Variants in FAAP100 observed in about 807,000 individuals in gnomAD.
FAAP100 encodes the protein FA core complex associated protein 100.
FAAP100 carries 46 observed loss-of-function variants against 65.8 expected under a neutral mutation model. The observed-to-expected ratio is 0.70, with a 90% confidence interval of 0.55 to 0.89. The LOEUF (loss-of-function observed/expected upper bound fraction) is 0.89, where lower values mean the gene tolerates loss of function less well. Ranked by LOEUF, FAAP100 falls within the 40% of genes least tolerant of loss-of-function variation. FAAP100 has a pLI of 0.00. For missense variants in FAAP100, 1,165 were observed against 1,196.7 expected, an observed-to-expected ratio of 0.97 and a Z score of 0.39; for synonymous variants, 663 against 555.1, an observed-to-expected ratio of 1.19 and a Z score of -2.73.
Position 81,540,927 on chromosome 17 carries a change from G to GGTCTGCACCTCCCGCAGCAGT in FAAP100, c.2517_2537dup (p.Leu841_Leu847dup). 1 of 1,590,330 alleles carries GGTCTGCACCTCCCGCAGCAGT rather than the reference G, an allele frequency of 6.3e-7. No individual in the cohort carries two copies. The highest frequency in any genetic ancestry group is 8.5e-7 in the Non-Finnish European group (1 of 1,172,176). ...CCTCCGTGCAGAGCCGGTCGCGCAG[G>GGTCTGCACCTCCCGCAGCAGT]GTCTGCACCTCCCGCAGCAGTGTCT... is the stretch of plus-strand genomic sequence containing the variant. On this transcript the variant is annotated inframe_insertion, in exon 9 of 9. Transcript: ENST00000327787.
intron 2 of FAAP100, 152 bp downstream of exon 2, chr17:81,551,776 G>A (rs2033504349): frequency 7.3e-7 from 1 of 1,377,048 alleles, no homozygotes; most frequent in African/African-American, 1.5e-5. Context: ...GCTGGGGGCA[G>A]GGGCTCCAGA....
At position 81,546,971 on chromosome 17, in the gene FAAP100, G is replaced by A. The variant is rs1364261986; in HGVS notation, c.2111C>T (p.Ser704Phe). The change falls in exon 5 of 9, where the codon TCT becomes TTT. Residue 704 changes from serine (S) to phenylalanine (F), a missense_variant. Transcript: ENST00000327787. ...CGCCGACACCTTGATGGAAGCCACA[G>A]ATGGGGGCAGGTACTCGGCCCGCAG... ...ASLRAEYLPPSVASIKVSAEL... is the reference protein window; with the variant it reads ...ASLRAEYLPPFVASIKVSAEL... The A allele has an allele frequency of 4.7e-6, 7 of 1,481,124 alleles. 1 individual carries two copies. The highest frequency in any genetic ancestry group is 4.5e-6 in the Non-Finnish European group (5 of 1,114,416). The allele number at this position is 1,481,124 out of a possible 1,614,324, so 91.7% of individuals were successfully genotyped here. A position where few individuals can be genotyped will look rare whatever the true frequency, so the allele number is the denominator to read the frequency against.
Position 81,547,521 on chromosome 17 carries a change from C to G in FAAP100, c.1561G>C (p.Asp521His). The G allele has an allele frequency of 2.5e-6, 4 of 1,613,546 alleles. No homozygotes were observed. Among genetic ancestry groups the G allele is most frequent in the Non-Finnish European group, 3.4e-6 (4 of 1,180,026 alleles). The change falls in exon 5 of 9, where the codon GAT becomes CAT. Residue 521 changes from aspartate to histidine, a missense_variant. By Grantham distance (81) the Asp-to-His change is moderately conservative. Transcript: ENST00000327787. The stretch of plus-strand genomic sequence containing the variant: ...AGCACGCAGGTGGCCATGAGCACAT[C>G]CTGTGTCTGCAGGCGGCTCCAGGTG... ...STTWSRLQTQ[D>H]VLMATCVLEN...
rs748442516 is a variant in FAAP100 at position 81,547,193 on chromosome 17, T to C, written c.1889A>G (p.Asp630Gly). 6.4e-7 allele frequency: 1 copy of C among 1,557,712 alleles called. No individual in the cohort carries two copies. Among genetic ancestry groups the C allele is most frequent in the Non-Finnish European group, 8.7e-7 (1 of 1,149,278 alleles). The stretch of plus-strand genomic sequence containing the variant: ...AACACCCTCTTGCTCGGGCAGGACG[T>C]CGGAGGGGCACTCATCCAGAAAGGG... ...EDPFLDECPS[D>G]VLPEQEGVCL... Residue 630 changes from aspartate to glycine, a missense_variant, in exon 5 of 9, where the codon GAC (aspartate) becomes GGC (glycine). Asp to Gly is a moderately conservative substitution (Grantham distance 94, BLOSUM62 -1). Transcript: ENST00000327787.
chr17:81,540,646 G>A lies in FAAP100; in HGVS notation c.*173C>T, dbSNP rs2033053633. ...GTTGCTCCCAATCAGAATCTGCTTT[G>A]TGCTCCACGGCCTCCAAGCACTTTC... On this transcript the variant is annotated 3_prime_UTR_variant, in exon 9 of 9. Coordinates refer to ENST00000327787, the MANE Select transcript of FAAP100 (RefSeq NM_025161.6). 1.7e-5 allele frequency: 15 copies of A among 886,576 alleles called. No homozygotes were observed. The highest frequency in any genetic ancestry group is 2.4e-5 in the Non-Finnish European group (15 of 634,636). 54.9% of individuals were successfully genotyped at this position (886,576 alleles called of 1,614,324 possible).
At chr17:81,545,287 G>GA (rs2033257814) in intron 6 of FAAP100, among the ~76,000 whole-genome samples, 2 of 152,258 alleles carry the variant, frequency 1.3e-5, no homozygotes, top group Non-Finnish European at 2.9e-5. Flanking sequence ...TGGGACTTGA[G>GA]AGTGTGCTGG....
Position 81,551,011 on chromosome 17 carries a change from C to T in FAAP100, c.483G>A (p.Gly161=). 6.2e-7 allele frequency: 1 copy of T among 1,611,558 alleles called. No individual in the cohort carries two copies. Among genetic ancestry groups the T allele is most frequent in the African/African-American group, 1.3e-5 (1 of 75,050 alleles). Residue 161 remains glycine (G), a synonymous_variant, in exon 3 of 9, where the codon GGG becomes GGA. Coordinates refer to ENST00000327787, the MANE Select transcript of FAAP100 (RefSeq NM_025161.6). The part of the protein sequence containing the change: ...KMQLFEQPCP[G]EDPRPGGQIG... ...TCTGGCCTCCTGGCCGGGGGTCCTC[C>T]CCAGGACAGGGCTGCTCAAACAGCT...
intron 1 of FAAP100, 55 bp downstream of exon 1, chr17:81,552,111 C>A: frequency 6.8e-7 from 1 of 1,465,916 alleles, no homozygotes; most frequent in Non-Finnish European, 8.9e-7. Flanking sequence ...TCTTCATTTT[C>A]ACGCGAACCG....
chr17:81,548,767 C>T (rs986099241), intron 4 of FAAP100, among the ~76,000 whole-genome samples: 2 of 151,514 alleles, frequency 1.3e-5, no homozygotes, highest in Admixed American at 6.6e-5. Flanking sequence ...GGGTCGGGCC[C>T]GGTGGCTGAC....
In FAAP100 at chr17:81,551,633, C is replaced by A. The variant is rs1158139475; in HGVS notation, c.290+295G>T. On this transcript the variant is annotated intron_variant, in intron 2 of 8. Transcript: ENST00000327787. ...TCTCCTCCCTCCAATAAAGACCCAACCTCGGGGGCGTGTCTCACCAGACAG... is the reference window on the plus strand; with the variant it reads ...TCTCCTCCCTCCAATAAAGACCCAAACTCGGGGGCGTGTCTCACCAGACAG... 5.7e-6 allele frequency: 7 copies of A among 1,223,790 alleles called. No individual in the cohort carries two copies. In the Admixed American group the frequency reaches 2.7e-4, roughly 48 times the overall value. The allele number at this position is 1,223,790 out of a possible 1,614,324, so 75.8% of individuals were successfully genotyped here.
chr17:81,547,756 T>C (rs552911273), intron 4 of FAAP100, 78 bp from the exon 5 acceptor site: 8 of 1,520,116 alleles, frequency 5.3e-6, no homozygotes, highest in African/African-American at 1.4e-5. Flanking sequence ...TCAGGCCTGG[T>C]AGGCACCGAG....
At position 81,544,058 on chromosome 17, in the gene FAAP100, G is replaced by A. The variant is rs1292967846; in HGVS notation, c.2373C>T (p.Ser791=). ...CCCTGCAAATGTCGGCCAGAGAGGA[G>A]CTTTCCACTTGAATCTCCACGGCCT... ...PIQAVEIQVE[S]SSLADICRAH... The change falls in exon 7 of 9, where the codon AGC becomes AGT. Residue 791 remains serine, a synonymous_variant. Transcript: ENST00000327787. 1 of 1,612,720 alleles carries A rather than the reference G, an allele frequency of 6.2e-7. No individual in the cohort carries two copies. Among genetic ancestry groups the A allele is most frequent in the African/African-American group, 1.3e-5 (1 of 75,056 alleles).
At chr17:81,546,664 G>A in intron 5 of FAAP100, 1 of 394,386 alleles carries the variant, frequency 2.5e-6, no homozygotes, top group Non-Finnish European at 4.4e-6. Flanking sequence ...TGCCCCAGGA[G>A]CAGCTGGGAG....
chr17:81,543,414 G>A (rs924133930), intron 7 of FAAP100, among the ~76,000 whole-genome samples: 6 of 152,324 alleles, frequency 3.9e-5, no homozygotes, highest in African/African-American at 9.6e-5. Flanking sequence ...CGGGCGTGAC[G>A]GATGCCTTCC....
chr17:81,552,379 G>C, upstream of FAAP100: 1 of 1,306,278 alleles, frequency 7.7e-7, no homozygotes, highest in Non-Finnish European at 9.7e-7. Flanking sequence ...CGCGGCGGCG[G>C]CTCCGCCTCG....
At chr17:81,542,035 C>T (rs924684390) in intron 7 of FAAP100, among the ~76,000 whole-genome samples, 8 of 149,902 alleles carry the variant, frequency 5.3e-5, no homozygotes, top group African/African-American at 1.2e-4. Context: ...GGCGTAGTGG[C>T]GGGCGCCTGT....
Position 81,547,086 on chromosome 17 carries a change from G to T in FAAP100, c.1996C>A (p.Pro666Thr), listed in dbSNP as rs80199228. The T allele has an allele frequency of 1.5e-3, 2,308 of 1,533,836 alleles. 23 individuals carry two copies. In the African/African-American group the frequency reaches 0.026, roughly 18 times the overall value. ...TCTCGGGTGGGGCCGAGTGGGGAGG[G>T]GGCCCGTGTGTGTGGCGGGGCCAGG... ...PGLAPPHTRAPSPLGPTRDPV... is the reference protein window; with the variant it reads ...PGLAPPHTRATSPLGPTRDPV... The change falls in exon 5 of 9, where the codon CCC becomes ACC. Residue 666 changes from proline to threonine, a missense_variant. Transcript: ENST00000327787.
intron 7 of FAAP100, among the ~76,000 whole-genome samples, chr17:81,542,504 G>A (rs2033152712): frequency 6.6e-6 from 1 of 152,204 alleles, no homozygotes; most frequent in South Asian, 2.1e-4. Flanking sequence ...CCTGCCGGGG[G>A]CTCCAGAAGT....
At chr17:81,542,468 G>C (rs2033151442) in intron 7 of FAAP100, among the ~76,000 whole-genome samples, 1 of 152,298 alleles carries the variant, frequency 6.6e-6, no homozygotes, top group South Asian at 2.1e-4. Context: ...ACTGTGAAGA[G>C]ACGACACCCT....
Sources: gnomAD v4.1 joint callset for allele counts (sites outside exome capture counted in the v4.1 genomes callset) on GRCh38, gnomAD v4.1.1 for gene constraint, MANE v1.5 for transcripts, NCBI Gene and HGNC (gene_info 2026-07-23, HGNC 2026-07-21) for gene names.